CALB2: variants seen among roughly 807,000 people sequenced by gnomAD.
The protein encoded by CALB2 is calbindin 2, also known as calretinin.
In CALB2, 34 loss-of-function variants were observed where a neutral mutation model predicts 45.9. That is an observed-to-expected ratio of 0.74 (90% CI 0.56 to 0.99). CALB2 has a LOEUF of 0.99. CALB2 is among the 50% of genes least tolerant of loss of function. The pLI is 0.00. For synonymous variants in CALB2, 142 were observed against 129.6 expected, an observed-to-expected ratio of 1.10 and a Z score of -0.65; for missense variants, 344 against 339.3, an observed-to-expected ratio of 1.01 and a Z score of -0.11.
At chr16:71,388,532 A>G (rs1364581399) in intron 10 of CALB2, among the ~76,000 whole-genome samples, 1 of 152,074 alleles carries the variant, frequency 6.6e-6, no homozygotes, top group Non-Finnish European at 1.5e-5. Flanking sequence ...CAGGCATATC[A>G]GGTGTTGGTA....
chr16:71,387,853 C>T (rs576255119), intron 10 of CALB2, among the ~76,000 whole-genome samples: 46 of 152,284 alleles, frequency 3.0e-4, no homozygotes, highest in African/African-American at 1.4e-4. Flanking sequence ...GAAGGTGCCT[C>T]TCAAAGCTAG....
chr16:71,374,707 T>C (rs2144973670), intron 2 of CALB2, 38 bp from the exon 3 acceptor site: 2 of 1,388,100 alleles, frequency 1.4e-6, no homozygotes, highest in East Asian at 2.3e-5. Flanking sequence ...TCACATGAGA[T>C]ACAGCAGCAA....
intron 1 of CALB2, 71 bp from the exon 2 acceptor site, chr16:71,372,082 C>T: frequency 9.3e-7 from 1 of 1,073,442 alleles, no homozygotes; most frequent in Non-Finnish European, 1.4e-6. Context: ...CCACGAAGCC[C>T]CCGACATGCC....
rs142755570 is a variant in CALB2 at position 71,390,385 on chromosome 16, A to G, written c.*520A>G. ...TCTCTTTGGGTTTCTTGTTTACCAAAGAAGAGTTTACAGACAATAAAATGG... is the reference window on the plus strand; with the variant it reads ...TCTCTTTGGGTTTCTTGTTTACCAAGGAAGAGTTTACAGACAATAAAATGG... On this transcript the variant is annotated 3_prime_UTR_variant, in exon 11 of 11. Coordinates refer to ENST00000302628, the MANE Select transcript of CALB2 (RefSeq NM_001740.5). The G allele has an allele frequency of 1.3e-5, 2 of 153,348 alleles. No homozygotes were observed. Among genetic ancestry groups the G allele is most frequent in the Non-Finnish European group, 2.9e-5 (2 of 68,820 alleles). The allele number at this position is 153,348 out of a possible 1,614,324, so 9.5% of individuals were successfully genotyped here. A position where few individuals can be genotyped will look rare whatever the true frequency, so the allele number is the denominator to read the frequency against.
At chr16:71,384,191 C>A (rs1445318884) in intron 7 of CALB2, 148 bp from the exon 8 acceptor site, 1 of 1,005,208 alleles carries the variant, frequency 9.9e-7, no homozygotes, top group Non-Finnish European at 1.6e-6. Flanking sequence ...TGTCTGTCTC[C>A]CTCGTTTTTG....
At chr16:71,378,521 C>G (rs1230428669) in intron 4 of CALB2, among the ~76,000 whole-genome samples, 1 of 152,060 alleles carries the variant, frequency 6.6e-6, no homozygotes, top group Non-Finnish European at 1.5e-5. Flanking sequence ...GGCTGGGCCA[C>G]AGAGCAAGAC....
At chr16:71,382,277 A>G (rs1479286244) in intron 4 of CALB2, among the ~76,000 whole-genome samples, 1 of 152,208 alleles carries the variant, frequency 6.6e-6, no homozygotes, top group African/African-American at 2.4e-5. Flanking sequence ...AGATGTGGGC[A>G]GTCCCCTCCC....
intron 9 of CALB2, 144 bp from the exon 10 acceptor site, chr16:71,385,433 A>AC: frequency 1.8e-6 from 1 of 567,300 alleles, no homozygotes; most frequent in South Asian, 3.0e-5. Context: ...CAGAAGGGAC[A>AC]CATTATTTTG....
intron 4 of CALB2, 100 bp downstream of exon 4, chr16:71,377,847 G>C: frequency 1.3e-6 from 1 of 797,778 alleles, no homozygotes; most frequent in African/African-American, 1.7e-5. Context: ...GTCCCTGGGA[G>C]ATGCTAAACC....
In CALB2 at chr16:71,377,754, C is replaced by A; in HGVS notation, c.342+7C>A. On this transcript the variant is annotated splice_region_variant and intron_variant, in intron 4 of 10. Coordinates refer to ENST00000302628, the MANE Select transcript of CALB2 (RefSeq NM_001740.5). ...CAGCGCCGAGTTTATGGAGGTGAGGCCAAGGCACCACCTTCTTTCTAAGCA... is the reference window on the plus strand; with the variant it reads ...CAGCGCCGAGTTTATGGAGGTGAGGACAAGGCACCACCTTCTTTCTAAGCA... The A allele has an allele frequency of 6.2e-7, 1 of 1,607,506 alleles. No individual in the cohort carries two copies. Among genetic ancestry groups the A allele is most frequent in the Non-Finnish European group, 8.5e-7 (1 of 1,174,014 alleles).
chr16:71,377,820 C>A, intron 4 of CALB2, 73 bp downstream of exon 4: 1 of 1,071,918 alleles, frequency 9.3e-7, no homozygotes, highest in East Asian at 2.4e-5. Context: ...CCAGGCCCAC[C>A]CTCCTGCCTG....
chr16:71,378,490 A>G (rs2042443862), intron 4 of CALB2, among the ~76,000 whole-genome samples: 1 of 152,104 alleles, frequency 6.6e-6, no homozygotes, highest in Non-Finnish European at 1.5e-5. Context: ...TTGAGGCTGA[A>G]GATCACACCA....
intron 1 of CALB2, among the ~76,000 whole-genome samples, chr16:71,368,654 A>C (rs1450905173): frequency 6.6e-6 from 1 of 152,192 alleles, no homozygotes; most frequent in African/African-American, 2.4e-5. Flanking sequence ...CCTGTGCCTC[A>C]GTGTCTTCTG....
At chr16:71,360,184 G>T (rs1253502887) in intron 1 of CALB2, among the ~76,000 whole-genome samples, 3 of 152,190 alleles carry the variant, frequency 2.0e-5, no homozygotes, top group Non-Finnish European at 4.4e-5. Flanking sequence ...TCCTCGCCTT[G>T]GCAGGGTGTG....
chr16:71,373,190 C>T (rs1326523793), intron 2 of CALB2, among the ~76,000 whole-genome samples: 1 of 152,180 alleles, frequency 6.6e-6, no homozygotes, highest in Non-Finnish European at 1.5e-5. Context: ...TCCCTCGGGT[C>T]CTCTGGAGGC....
Position 71,382,155 on chromosome 16 carries a change from A to AAG in CALB2, c.343-564_343-563insAG, listed in dbSNP as rs61050017. On this transcript the variant is annotated intron_variant, in intron 4 of 10. Coordinates refer to ENST00000302628, the MANE Select transcript of CALB2 (RefSeq NM_001740.5). ...AGGAAGGAAAGAAGGAAGGAAGGAAAGAAAATAAAGGAAGGAAGGAACGAA... is the reference window on the plus strand; with the variant it reads ...AGGAAGGAAAGAAGGAAGGAAGGAAAAGGAAAATAAAGGAAGGAAGGAACGAA... Among the ~76,000 whole-genome samples the AAG allele has an allele frequency of 3.7e-3, 536 of 144,494 alleles. 11 individuals are homozygous for AAG. The highest frequency in any genetic ancestry group is 0.021 in the Middle Eastern group (6 of 284). The allele number at this position is 144,494 out of a possible 152,430, so 94.8% of individuals were successfully genotyped here. A position where few individuals can be genotyped will look rare whatever the true frequency, so the allele number is the denominator to read the frequency against.
At chr16:71,363,469 C>T (rs142932841) in intron 1 of CALB2, among the ~76,000 whole-genome samples, 63 of 152,320 alleles carry the variant, frequency 4.1e-4, no homozygotes, top group African/African-American at 1.4e-3. Flanking sequence ...CTCCCATCCT[C>T]GCCCTCTGAA....
At chr16:71,384,121 G>C in intron 7 of CALB2, 96 bp downstream of exon 7, 6 of 1,374,684 alleles carry the variant, frequency 4.4e-6, no homozygotes, top group Non-Finnish European at 6.2e-6. Flanking sequence ...AGTGACAGGT[G>C]CGGGTGTCAA....
chr16:71,358,740 C>A lies in CALB2; in HGVS notation c.-53C>A. 1 of 1,437,132 alleles carries A rather than the reference C, an allele frequency of 7.0e-7. No homozygotes were observed. The highest frequency in any genetic ancestry group is 9.6e-7 in the Non-Finnish European group (1 of 1,043,000). The allele number at this position is 1,437,132 out of a possible 1,614,324, so 89.0% of individuals were successfully genotyped here. ...ACAACCCCAGCGCGAGTGCCAGAGCCCAGCCGGCGCGGAGCGGGAGCGGTG... is the reference window on the plus strand; with the variant it reads ...ACAACCCCAGCGCGAGTGCCAGAGCACAGCCGGCGCGGAGCGGGAGCGGTG... On this transcript the variant is annotated 5_prime_UTR_variant, in exon 1 of 11. Transcript: ENST00000302628.
Sources: allele counts gnomAD v4.1 joint callset (sites outside exome capture counted in the v4.1 genomes callset), GRCh38; gene constraint gnomAD v4.1.1; transcripts MANE v1.5; gene names NCBI Gene and HGNC (gene_info 2026-07-23, HGNC 2026-07-21).